Variants in GRXCR1 observed in about 807,000 individuals in gnomAD.
GRXCR1 encodes the protein glutaredoxin and cysteine rich domain containing 1.
Under a neutral mutation model 27.3 loss-of-function variants are expected in GRXCR1, and 27 were observed. That is an observed-to-expected ratio of 0.99 (90% confidence interval 0.73 to 1.37). The LOEUF (loss-of-function observed/expected upper bound fraction) is 1.37, where lower values mean the gene tolerates loss of function less well. GRXCR1 is among the 40% of genes most tolerant of loss of function. The pLI, the probability that GRXCR1 is intolerant of heterozygous loss-of-function variation, is 0.00. For missense variants in GRXCR1, 379 were observed against 354.4 expected (o/e 1.07, Z -0.56); for synonymous variants, 122 against 131.1 (o/e 0.93, Z 0.47).
At chr4:42,896,137 G>T (rs761820106) in intron 1 of GRXCR1, among the ~76,000 whole-genome samples, 7 of 152,034 alleles carry the variant, frequency 4.6e-5, no homozygotes, top group Admixed American at 6.6e-5. Flanking sequence ...ATATTTCAAA[G>T]ACCCTGTCAA....
intron 1 of GRXCR1, among the ~76,000 whole-genome samples, chr4:42,947,420 G>A (rs1014007937): frequency 2.0e-5 from 3 of 152,102 alleles, no homozygotes; most frequent in Admixed American, 6.6e-5. Context: ...CCTTGTCAAT[G>A]AAAAAGAAAT....
chr4:43,030,162 C>CG (rs1713376481), intron 3 of GRXCR1, among the ~76,000 whole-genome samples, 199 bp from the exon 4 acceptor site: 2 of 152,090 alleles, frequency 1.3e-5, no homozygotes, highest in African/African-American at 4.8e-5. Flanking sequence ...TGGCCATTGG[C>CG]GGGGGAATGA....
chr4:42,941,926 C>A (rs1317168598), intron 1 of GRXCR1, among the ~76,000 whole-genome samples: 2 of 151,876 alleles, frequency 1.3e-5, no homozygotes, highest in Non-Finnish European at 2.9e-5. Context: ...ATAGAAAGGT[C>A]AATTTAGGAA....
chr4:42,924,614 G>A (rs1747103624), intron 1 of GRXCR1, among the ~76,000 whole-genome samples: 1 of 151,970 alleles, frequency 6.6e-6, no homozygotes, highest in Admixed American at 6.6e-5. Context: ...ATGTTTGGAA[G>A]ACCCATTATG....
intron 2 of GRXCR1, among the ~76,000 whole-genome samples, chr4:42,982,966 G>T (rs1056752670): frequency 6.6e-6 from 1 of 151,968 alleles, no homozygotes; most frequent in Non-Finnish European, 1.5e-5. Context: ...CCCTTTGTCA[G>T]ATGAGTAGGT....
chr4:43,007,171 T>C (rs1712587554), intron 2 of GRXCR1, among the ~76,000 whole-genome samples: 1 of 152,224 alleles, frequency 6.6e-6, no homozygotes, highest in South Asian at 2.1e-4. Flanking sequence ...CTTGAGGATC[T>C]GAGACTTAAA....
In GRXCR1 at chr4:42,921,050, T is replaced by C. The variant is rs151120651; in HGVS notation, c.384+27400T>C. On this transcript the variant is annotated intron_variant, in intron 1 of 3. Transcript: ENST00000399770. ...CTGCAATGGTCTGAATGTGTCCCTTTAAAATTCATATGTTGAAATCCTAAC... is the reference window on the plus strand; with the variant it reads ...CTGCAATGGTCTGAATGTGTCCCTTCAAAATTCATATGTTGAAATCCTAAC... Among the ~76,000 whole-genome samples the C allele has an allele frequency of 1.2e-3, 190 of 152,266 alleles. 1 individual carries two copies. Among genetic ancestry groups the C allele is most frequent in the African/African-American group, 4.4e-3 (182 of 41,572 alleles).
At chr4:42,971,564 AG>A (rs147879992) in intron 2 of GRXCR1, among the ~76,000 whole-genome samples, 2,507 of 152,176 alleles carry the variant, frequency 0.016, 79 homozygotes, top group African/African-American at 0.057. Flanking sequence ...AGAGAGAGTG[AG>A]TGAGTGAAGG....
chr4:42,951,460 A>T (rs181038469), intron 1 of GRXCR1, among the ~76,000 whole-genome samples: 40 of 152,306 alleles, frequency 2.6e-4, no homozygotes, highest in Non-Finnish European at 4.0e-4. Context: ...TTGCACAGCA[A>T]CATTTTTGTT....
chr4:43,016,834 C>G (rs1459482574), intron 2 of GRXCR1, among the ~76,000 whole-genome samples: 1 of 152,132 alleles, frequency 6.6e-6, no homozygotes, highest in Admixed American at 6.5e-5. Flanking sequence ...TTGGCAGAGG[C>G]CTGATTTCTT....
At chr4:42,913,735 C>T (rs1316766283) in intron 1 of GRXCR1, among the ~76,000 whole-genome samples, 1 of 152,166 alleles carries the variant, frequency 6.6e-6, no homozygotes, top group Non-Finnish European at 1.5e-5. Context: ...ACCTTCATGG[C>T]AGCCTGTCCC....
chr4:42,938,090 G>A (rs755385044), intron 1 of GRXCR1, among the ~76,000 whole-genome samples: 3 of 151,876 alleles, frequency 2.0e-5, no homozygotes, highest in Non-Finnish European at 4.4e-5. Context: ...ACTCTTTCCA[G>A]CCACTGGTAA....
intron 2 of GRXCR1, among the ~76,000 whole-genome samples, chr4:42,971,431 A>T (rs1280396031): frequency 1.3e-5 from 2 of 152,124 alleles, no homozygotes; most frequent in Admixed American, 1.3e-4. Flanking sequence ...TGAAAAACAG[A>T]GGTTTAATTG....
At chr4:42,950,735 T>C (rs1422163414) in intron 1 of GRXCR1, among the ~76,000 whole-genome samples, 1 of 152,186 alleles carries the variant, frequency 6.6e-6, no homozygotes, top group Non-Finnish European at 1.5e-5. Flanking sequence ...AGACTGTAGC[T>C]ATTCCCATAT....
rs1002804685 is a variant in GRXCR1 at position 42,972,713 on chromosome 4, G to C, written c.627+9579G>C. 2.6e-5 allele frequency among the ~76,000 whole-genome samples: 4 copies of C among 152,262 alleles called. No individual in the cohort carries two copies. In the South Asian group the frequency reaches 8.3e-4, roughly 32 times the overall value. On this transcript the variant is annotated intron_variant, in intron 2 of 3. Coordinates refer to ENST00000399770, the MANE Select transcript of GRXCR1 (RefSeq NM_001080476.3). Reference sequence around the variant, plus strand: ...TTATACTTGAAGTAACTTAAGCTTAGAGAAGCTAAGACACTATTTAATCAT... The same window carrying C: ...TTATACTTGAAGTAACTTAAGCTTACAGAAGCTAAGACACTATTTAATCAT...
At chr4:42,929,882 G>A (rs1306389326) in intron 1 of GRXCR1, among the ~76,000 whole-genome samples, 1 of 151,884 alleles carries the variant, frequency 6.6e-6, no homozygotes, top group Non-Finnish European at 1.5e-5. Context: ...AAATTCTCAT[G>A]ATCACTCCTT....
rs2109758679 is a variant in GRXCR1 at position 42,933,984 on chromosome 4, G to T, written c.385-28908G>T. On this transcript the variant is annotated intron_variant, in intron 1 of 3. Coordinates refer to ENST00000399770, the MANE Select transcript of GRXCR1 (RefSeq NM_001080476.3). ...CAAGTGAGATGAATCAAGGGGAGATGCAGGCAGAACCTGGAGCAGGAGAAA... is the reference window on the plus strand; with the variant it reads ...CAAGTGAGATGAATCAAGGGGAGATTCAGGCAGAACCTGGAGCAGGAGAAA... Among the ~76,000 whole-genome samples, 3 of 152,038 alleles carry T rather than the reference G, an allele frequency of 2.0e-5. No individual in the cohort carries two copies. The Middle Eastern group carries it at 0.01, about 517-fold the overall frequency.
At chr4:42,916,720 G>T (rs1746894820) in intron 1 of GRXCR1, among the ~76,000 whole-genome samples, 1 of 151,926 alleles carries the variant, frequency 6.6e-6, no homozygotes, top group South Asian at 2.1e-4. Context: ...CTACTGTACA[G>T]CCATTTTCCC....
intron 1 of GRXCR1, among the ~76,000 whole-genome samples, chr4:42,917,697 C>G (rs1392350111): frequency 1.3e-5 from 2 of 152,038 alleles, no homozygotes; most frequent in African/African-American, 2.4e-5. Context: ...AAAGAAGCTG[C>G]CCTGGCAGAA....
Sources: gnomAD v4.1 joint callset for allele counts (sites outside exome capture counted in the v4.1 genomes callset) on GRCh38, gnomAD v4.1.1 for gene constraint, MANE v1.5 for transcripts, NCBI Gene and HGNC (gene_info 2026-07-23, HGNC 2026-07-21) for gene names.